The following CORO1C variants were observed in gnomAD, a reference collection of about 807,000 sequenced individuals.
CORO1C encodes the protein coronin 1C, also known as coronin-1C.
In CORO1C, 14 loss-of-function variants were observed where a neutral mutation model predicts 51.2. The ratio of observed to expected loss-of-function variants is 0.27; its 90% CI spans 0.18 to 0.43. The LOEUF (loss-of-function observed/expected upper bound fraction) is 0.43. Among genes scored for constraint, CORO1C ranks in the 20% least tolerant of loss-of-function variants. The pLI, the probability that CORO1C is intolerant of heterozygous loss-of-function variation, is 1.00. For missense variants in CORO1C, 417 were observed against 607.8 expected (o/e 0.69, Z 3.30); for synonymous variants, 181 against 210.5 (o/e 0.86, Z 1.21).
intron 3 of CORO1C, among the ~76,000 whole-genome samples, chr12:108,676,858 A>G (rs1360246504): frequency 2.6e-5 from 4 of 152,170 alleles, no homozygotes; most frequent in African/African-American, 7.2e-5. Flanking sequence ...AAAATGATCA[A>G]TTTAGCAAGG....
rs572231616 is a variant in CORO1C, at chr12:108,650,982, G to A, written c.1001+1290C>T. 1.2e-4 allele frequency among the ~76,000 whole-genome samples: 19 copies of A among 152,002 alleles called. 4 individuals are homozygous for A. Among genetic ancestry groups the A allele is most frequent in the African/African-American group, 3.6e-4 (15 of 41,422 alleles). ...TTGTTTGTTTTTGTTTGTTTGAGACGGAGTCTCGCTGTGTTGCCCAGGCTG... is the reference window on the plus strand; with the variant it reads ...TTGTTTGTTTTTGTTTGTTTGAGACAGAGTCTCGCTGTGTTGCCCAGGCTG... On this transcript the variant is annotated intron_variant, in intron 8 of 10. Transcript: ENST00000261401.
At chr12:108,649,757 G>A (rs2032555472) in intron 8 of CORO1C, 2 of 152,288 alleles carry the variant, frequency 1.3e-5, no homozygotes, top group Admixed American at 1.3e-4. Context: ...GTCAAGACGG[G>A]AAACAACAAA....
chr12:108,701,475 T>C, intron 1 of CORO1C, 152 bp from the exon 2 acceptor site: 2 of 1,229,346 alleles, frequency 1.6e-6, no homozygotes, highest in South Asian at 3.0e-5. Flanking sequence ...CAAATTTCTT[T>C]TAGCAGCACA....
intron 7 of CORO1C, 112 bp downstream of exon 7, chr12:108,654,194 C>T (rs938006013): frequency 2.7e-6 from 2 of 739,578 alleles, no homozygotes; most frequent in African/African-American, 1.7e-5. Context: ...AACATACACA[C>T]ACAAATTAGA....
intron 6 of CORO1C, among the ~76,000 whole-genome samples, chr12:108,656,277 C>G (rs1305348150): frequency 2.0e-5 from 3 of 148,472 alleles, no homozygotes; most frequent in Non-Finnish European, 4.5e-5. Context: ...CCACCCCGTC[C>G]GGGAGGGAGG....
At chr12:108,671,949 C>T (rs2033735844) in intron 3 of CORO1C, among the ~76,000 whole-genome samples, 1 of 151,996 alleles carries the variant, frequency 6.6e-6, no homozygotes, top group African/African-American at 2.4e-5. Flanking sequence ...TTTTTGTAGA[C>T]ACGGGGTTTC....
chr12:108,657,794 C>G (rs1231615453), intron 5 of CORO1C, among the ~76,000 whole-genome samples: 1 of 152,182 alleles, frequency 6.6e-6, no homozygotes, highest in Non-Finnish European at 1.5e-5. Flanking sequence ...ACCATTTCTA[C>G]CAATATCATA....
intron 1 of CORO1C, among the ~76,000 whole-genome samples, chr12:108,713,731 C>A (rs1592943571): frequency 6.6e-6 from 1 of 152,188 alleles, no homozygotes; most frequent in Admixed American, 6.5e-5. Context: ...AAGTACGGAG[C>A]AGTTCCAACT....
intron 7 of CORO1C, among the ~76,000 whole-genome samples, chr12:108,653,722 G>A (rs1442392905): frequency 4.6e-5 from 7 of 152,158 alleles, no homozygotes. Flanking sequence ...TCACCCCTGA[G>A]CTTTAGTCAG....
chr12:108,694,366 G>T (rs1003793012), intron 2 of CORO1C, among the ~76,000 whole-genome samples: 1 of 149,036 alleles, frequency 6.7e-6, no homozygotes, highest in Non-Finnish European at 1.5e-5. Flanking sequence ...GTGAATGAAT[G>T]AATGTGATTT....
At chr12:108,648,461 G>A (rs1213919313) in intron 10 of CORO1C, 144 bp downstream of exon 10, 11 of 1,100,520 alleles carry the variant, frequency 1.0e-5, no homozygotes, top group Middle Eastern at 6.1e-4. Context: ...TCACGTGACC[G>A]AGGACCTTCT....
chr12:108,723,270 A>G (rs908802708), intron 1 of CORO1C, among the ~76,000 whole-genome samples: 1 of 152,228 alleles, frequency 6.6e-6, no homozygotes, highest in African/African-American at 2.4e-5. Context: ...TTGAGTTTTT[A>G]TGTTAATAAA....
At chr12:108,654,732 TC>T in intron 6 of CORO1C, among the ~76,000 whole-genome samples, 1 of 151,754 alleles carries the variant, frequency 6.6e-6, no homozygotes, top group East Asian at 1.9e-4. Flanking sequence ...AGACTGAGTC[TC>T]CCTCTGTCGC....
At chr12:108,686,994 C>G (rs1033034273) in intron 2 of CORO1C, among the ~76,000 whole-genome samples, 1 of 152,182 alleles carries the variant, frequency 6.6e-6, no homozygotes, top group African/African-American at 2.4e-5. Flanking sequence ...AGCCAGCAAC[C>G]TTCACCGTGG....
chr12:108,649,583 T>C (rs2032547166), intron 8 of CORO1C: 1 of 159,104 alleles, frequency 6.3e-6, no homozygotes, highest in African/African-American at 2.4e-5. Flanking sequence ...GGAAAGAGAA[T>C]GTAAAGCCAC....
At chr12:108,697,344 A>T (rs946127464) in intron 2 of CORO1C, among the ~76,000 whole-genome samples, 6 of 152,244 alleles carry the variant, frequency 3.9e-5, no homozygotes, top group Non-Finnish European at 5.9e-5. Context: ...AAACATTCTC[A>T]GAAGCCCATG....
chr12:108,678,846 G>C (rs1248671764), intron 2 of CORO1C, among the ~76,000 whole-genome samples: 1 of 151,736 alleles, frequency 6.6e-6, no homozygotes, highest in Non-Finnish European at 1.5e-5. Flanking sequence ...TAAAGGCCGG[G>C]CGCGGTGGCT....
chr12:108,690,968 C>G (rs1270008609), intron 2 of CORO1C, among the ~76,000 whole-genome samples: 4 of 152,202 alleles, frequency 2.6e-5, no homozygotes, highest in African/African-American at 9.7e-5. Flanking sequence ...TCTGTGAACG[C>G]TGAAGAGCTC....
intron 5 of CORO1C, among the ~76,000 whole-genome samples, chr12:108,657,987 A>G (rs1228927453): frequency 6.6e-6 from 1 of 152,220 alleles, no homozygotes; most frequent in African/African-American, 2.4e-5. Context: ...AGATGCAGCC[A>G]AAGAACAACC....
Sources: allele counts gnomAD v4.1 joint callset (sites outside exome capture counted in the v4.1 genomes callset), GRCh38; gene constraint gnomAD v4.1.1; transcripts MANE v1.5; gene names NCBI Gene and HGNC (gene_info 2026-07-23, HGNC 2026-07-21).